Variants in CELSR1 observed in about 807,000 individuals in gnomAD.
CELSR1 encodes adhesion G protein-coupled receptor C1.
A neutral mutation model predicts 249.1 loss-of-function variants in CELSR1; 110 were observed. The observed-to-expected ratio is 0.44, with a 90% CI of 0.38 to 0.52. The LOEUF is 0.52. CELSR1 is among the 20% of genes least tolerant of loss of function. The pLI is 0.00. For synonymous variants in CELSR1, 2,113 were observed against 1,900.0 expected, an observed-to-expected ratio of 1.11 and a Z score of -2.92; for missense variants, 4,109 against 4,296.4, an observed-to-expected ratio of 0.96 and a Z score of 1.22.
Position 46,382,149 on chromosome 22 carries a change from T to C in CELSR1, c.6884-99A>G, listed in dbSNP as rs563490917. On this transcript the variant is annotated intron_variant, in intron 20 of 34. Coordinates refer to ENST00000674500, the MANE Select transcript of CELSR1 (RefSeq NM_001378328.1). The stretch of plus-strand genomic sequence containing the variant: ...GGTGCTTCTCAAAAACCAACAGATG[T>C]CCCACAGAAAACAGTACCGTGGGTC... 81 of 1,145,174 alleles carry C rather than the reference T, an allele frequency of 7.1e-5. No homozygotes were observed. In the African/African-American group the frequency reaches 1.2e-3, roughly 16 times the overall value. 70.9% of individuals were successfully genotyped at this position (1,145,174 alleles called of 1,614,324 possible).
Position 46,409,687 on chromosome 22 carries a change from G to T in CELSR1, c.5059+68C>A. On this transcript the variant is annotated intron_variant, in intron 8 of 34. Coordinates refer to ENST00000674500, the MANE Select transcript of CELSR1 (RefSeq NM_001378328.1). The surrounding 1 kb of genome is among the most constrained non-coding windows in gnomAD (Gnocchi z 9.8). ...TGTGAAGCCCCCTCACGGTGGTCCC[G>T]GGCACATCAAGGAGCAATGCCTCCC... 2 of 1,590,964 alleles carry T rather than the reference G, an allele frequency of 1.3e-6. No homozygotes were observed. Among genetic ancestry groups the T allele is most frequent in the South Asian group, 1.1e-5 (1 of 90,372 alleles).
chr22:46,394,057 T>C, intron 14 of CELSR1, 85 bp downstream of exon 14: 2 of 1,519,724 alleles, frequency 1.3e-6, no homozygotes, highest in East Asian at 2.3e-5. Flanking sequence ...CGACAGGGTA[T>C]GTGAAGGCGT....
chr22:46,457,813 G>A (rs1303762599), intron 2 of CELSR1, among the ~76,000 whole-genome samples: 1 of 152,228 alleles, frequency 6.6e-6, no homozygotes, highest in African/African-American at 2.4e-5. Context: ...AGAGGAGACA[G>A]GGAAGGGAAG....
chr22:46,363,501 C>A lies in CELSR1; in HGVS notation c.9036-254G>T. The A allele has an allele frequency of 2.2e-6, 1 of 444,972 alleles. No homozygotes were observed. The highest frequency in any genetic ancestry group is 4.1e-6 in the Non-Finnish European group (1 of 243,136). The allele number at this position is 444,972 out of a possible 1,614,324, so 27.6% of individuals were successfully genotyped here. ...GCAAGGAATCCACGTTAGAAACCGG[C>A]CATCTCTACAGTGACTTTTGGAAGG... On this transcript the variant is annotated intron_variant, in intron 34 of 34. Coordinates refer to ENST00000674500, the MANE Select transcript of CELSR1 (RefSeq NM_001378328.1). This position sits in a 1 kb window ranked among gnomAD's most constrained non-coding sequence, Gnocchi z 4.3.
chr22:46,396,888 C>T lies in CELSR1; in HGVS notation c.5702-142G>A, dbSNP rs904097644. ...GGGAAGAGGAAGAGTGCCACAGAGT[C>T]CCCGAAAACACAGCGTTAGGCGGGT... On this transcript the variant is annotated intron_variant, in intron 12 of 34. Transcript: ENST00000674500. This position sits in a 1 kb window ranked among gnomAD's most constrained non-coding sequence, Gnocchi z 6.4. 3.4e-6 allele frequency: 4 copies of T among 1,160,562 alleles called. No homozygotes were observed. Among genetic ancestry groups the T allele is most frequent in the African/African-American group, 1.6e-5 (1 of 64,442 alleles). The allele number at this position is 1,160,562 out of a possible 1,614,324, so 71.9% of individuals were successfully genotyped here. A position where few individuals can be genotyped will look rare whatever the true frequency, so the allele number is the denominator to read the frequency against.
At chr22:46,370,711 C>CCGTG (rs1345809430) in intron 25 of CELSR1, among the ~76,000 whole-genome samples, 2 of 152,214 alleles carry the variant, frequency 1.3e-5, no homozygotes, top group African/African-American at 4.8e-5. Flanking sequence ...TTAACACCCT[C>CCGTG]CAGCACTTCC....
At chr22:46,449,529 A>T (rs558133676) in intron 2 of CELSR1, among the ~76,000 whole-genome samples, 3 of 152,220 alleles carry the variant, frequency 2.0e-5, no homozygotes, top group South Asian at 4.1e-4. Flanking sequence ...ACCTGCACTC[A>T]GCTGCCCACC....
rs1384416472 is a variant in CELSR1, at chr22:46,391,618, A to G, written c.6148+15T>C. Reference sequence around the variant, plus strand: ...CCGCGCTGTAACCTGCAGGGTGTCGAGGGGCAACGCGGACCTTCACAGCCG... The same window carrying G: ...CCGCGCTGTAACCTGCAGGGTGTCGGGGGGCAACGCGGACCTTCACAGCCG... On this transcript the variant is annotated intron_variant, in intron 15 of 34. Coordinates refer to ENST00000674500, the MANE Select transcript of CELSR1 (RefSeq NM_001378328.1). This position sits in a 1 kb window ranked among gnomAD's most constrained non-coding sequence, Gnocchi z 4.3. 1 of 1,579,700 alleles carries G rather than the reference A, an allele frequency of 6.3e-7. No homozygotes were observed. The highest frequency in any genetic ancestry group is 8.6e-7 in the Non-Finnish European group (1 of 1,167,874).
chr22:46,367,666 A>C, intron 28 of CELSR1, 63 bp downstream of exon 28: 4 of 1,550,930 alleles, frequency 2.6e-6, no homozygotes, highest in Non-Finnish European at 3.5e-6. Context: ...ACTGCTTCGC[A>C]TCACAGCGAT....
At chr22:46,515,604 C>T (rs556066390) in intron 1 of CELSR1, among the ~76,000 whole-genome samples, 18 of 152,244 alleles carry the variant, frequency 1.2e-4, no homozygotes, top group African/African-American at 1.9e-4. Context: ...GCCAATAGGA[C>T]GGGCCTCAGT....
rs1166817783 is a variant in CELSR1 at position 46,445,810 on chromosome 22, G to A, written c.4184-6399C>T. ...AGGTGGAAGCGTCCAGGACTCCCCG[G>A]GTGCTGTTCTCCCTGCTTGCAGGAG... On this transcript the variant is annotated intron_variant, in intron 2 of 34. Coordinates refer to ENST00000674500, the MANE Select transcript of CELSR1 (RefSeq NM_001378328.1). The surrounding 1 kb of genome is among the most constrained non-coding windows in gnomAD (Gnocchi z 4.4). Among the ~76,000 whole-genome samples the A allele has an allele frequency of 6.6e-6, 1 of 152,110 alleles. No individual in the cohort carries two copies. The highest frequency in any genetic ancestry group is 1.5e-5 in the Non-Finnish European group (1 of 68,016).
rs553611300 is a variant in CELSR1, at chr22:46,478,483, C to T, written c.3545-14138G>A. ...CTGCCAAGGGACAACCATATGTTCC[C>T]TGGCCCGACGTGTCCACGAGCCACT... On this transcript the variant is annotated intron_variant, in intron 1 of 34. Transcript: ENST00000674500. 2.0e-5 allele frequency among the ~76,000 whole-genome samples: 3 copies of T among 152,292 alleles called. No individual in the cohort carries two copies. In the South Asian group the frequency reaches 6.2e-4, roughly 32 times the overall value.
rs187083355 is a variant in CELSR1 at position 46,498,500 on chromosome 22, G to C, written c.3545-34155C>G. Among the ~76,000 whole-genome samples the C allele has an allele frequency of 5.1e-3, 765 of 149,692 alleles. 1 individual carries two copies. Among genetic ancestry groups the C allele is most frequent in the Non-Finnish European group, 7.7e-3 (518 of 67,326 alleles). On this transcript the variant is annotated intron_variant, in intron 1 of 34. Transcript: ENST00000674500. Reference sequence around the variant, plus strand: ...GGTGGCAGGGGGCCTGTAATCCCAGGTACTCAGGAGGCTGAGGCAGGAGAG... The same window carrying C: ...GGTGGCAGGGGGCCTGTAATCCCAGCTACTCAGGAGGCTGAGGCAGGAGAG...
intron 5 of CELSR1, among the ~76,000 whole-genome samples, chr22:46,420,433 C>G (rs947937698): frequency 6.6e-6 from 1 of 152,168 alleles, no homozygotes; most frequent in South Asian, 2.1e-4. Flanking sequence ...CGTGCACACA[C>G]CCACACACAT....
In CELSR1 at chr22:46,441,168, AG is replaced by A. The variant is rs1159831602; in HGVS notation, c.4184-1758del. Reference sequence around the variant, plus strand: ...ACTTCATTTCAAAAAAAAAAAAAAAAGAGAGACTGCTATAAAGATGGAACTG... The same window carrying A: ...ACTTCATTTCAAAAAAAAAAAAAAAAAGAGACTGCTATAAAGATGGAACTG... On this transcript the variant is annotated intron_variant, in intron 2 of 34. Coordinates refer to ENST00000674500, the MANE Select transcript of CELSR1 (RefSeq NM_001378328.1). This position sits in a 1 kb window ranked among gnomAD's most constrained non-coding sequence, Gnocchi z 6.1. 3.4e-5 allele frequency among the ~76,000 whole-genome samples: 5 copies of A among 148,818 alleles called. No homozygotes were observed. The highest frequency in any genetic ancestry group is 5.9e-5 in the Non-Finnish European group (4 of 67,466).
chr22:46,365,638 G>C lies in CELSR1; in HGVS notation c.8352C>G (p.Ser2784Arg). The C allele has an allele frequency of 6.3e-7, 1 of 1,591,596 alleles. No homozygotes were observed. Among genetic ancestry groups the C allele is most frequent in the Non-Finnish European group, 8.5e-7 (1 of 1,169,834 alleles). ...LGVSSGLVRG[S>R]HGEPDASLMP... is the part of the protein sequence containing the mutation. ...TGAGGGACGCGTCTGGCTCTCCGTG[G>C]CTGCCCCTCACCAGCCCAGAGGACA... The change falls in exon 31 of 35, where the codon AGC (serine) becomes AGG (arginine). Residue 2784 changes from serine (S) to arginine (R), a missense_variant. Transcript: ENST00000674500.
chr22:46,523,461 G>A (rs1329027181), intron 1 of CELSR1, among the ~76,000 whole-genome samples: 1 of 152,032 alleles, frequency 6.6e-6, no homozygotes, highest in Non-Finnish European at 1.5e-5. Flanking sequence ...TTGTGAGGCG[G>A]AGGTTGCAGT....
chr22:46,440,520 A>T lies in CELSR1; in HGVS notation c.4184-1109T>A, dbSNP rs1240429532. 6.6e-6 allele frequency among the ~76,000 whole-genome samples: 1 copy of T among 152,112 alleles called. No individual in the cohort carries two copies. The highest frequency in any genetic ancestry group is 1.5e-5 in the Non-Finnish European group (1 of 68,028). On this transcript the variant is annotated intron_variant, in intron 2 of 34. Transcript: ENST00000674500. This position sits in a 1 kb window ranked among gnomAD's most constrained non-coding sequence, Gnocchi z 4.7. The stretch of plus-strand genomic sequence containing the variant: ...GGCCAGTATGATCAATCTTTAAAAT[A>T]TTTTGCATCTCTGACAAATGGATCT...
rs151076267 is a variant in CELSR1 at position 46,531,185 on chromosome 22, TTTTA to T, written c.3544+2438_3544+2441del. ...AATGGTCTGAGATTTCTGCGCATCC[TTTTA>T]TTTATTTATTTATTTATTTATTTAT... is the stretch of plus-strand genomic sequence containing the variant. On this transcript the variant is annotated intron_variant, in intron 1 of 34. Transcript: ENST00000674500. Among the ~76,000 whole-genome samples, 813 of 148,050 alleles carry T rather than the reference TTTTA, an allele frequency of 5.5e-3. 11 individuals carry two copies. The highest frequency in any genetic ancestry group is 0.015 in the African/African-American group (612 of 40,450).
Sources: gnomAD v4.1 joint callset for allele counts (sites outside exome capture counted in the v4.1 genomes callset) on GRCh38, gnomAD v4.1.1 for gene constraint, Gnocchi (gnomAD v3.1) non-coding constraint, MANE v1.5 for transcripts, NCBI Gene and HGNC (gene_info 2026-07-23, HGNC 2026-07-21) for gene names.